The following NDUFAF6 variants were observed in gnomAD, a reference collection of about 807,000 sequenced individuals.
The protein encoded by NDUFAF6 is NADH:ubiquinone oxidoreductase complex assembly factor 6, also known as NADH dehydrogenase (ubiquinone) complex I, assembly factor 6.
Under a neutral mutation model 40.8 loss-of-function variants are expected in NDUFAF6, and 45 were observed. That is an observed-to-expected ratio of 1.10 (90% CI 0.87 to 1.42). The LOEUF (loss-of-function observed/expected upper bound fraction) is 1.42, where lower values mean the gene tolerates loss of function less well. NDUFAF6 is among the 40% of genes most tolerant of loss of function. The pLI, the probability that NDUFAF6 is intolerant of heterozygous loss-of-function variation, is 0.00. For synonymous variants in NDUFAF6, 185 were observed against 155.9 expected (o/e 1.19, Z -1.39); for missense variants, 435 against 418.5 (o/e 1.04, Z -0.34).
intron 2 of NDUFAF6, among the ~76,000 whole-genome samples, chr8:94,985,509 ATATATATTTTTTTTTTTTTTTTTTTTTT>A (rs1171880942): frequency 2.6e-3 from 14 of 5,340 alleles, no homozygotes; most frequent in Non-Finnish European, 3.5e-3. Context: ...ATATATATAT[ATATATATTTTTTTTTTTTTTTTTTTTTT>A]TTTTTTTTTT....
intron 2 of NDUFAF6, among the ~76,000 whole-genome samples, chr8:95,093,071 T>G (rs1004856272): frequency 2.2e-5 from 3 of 136,966 alleles, no homozygotes; most frequent in African/African-American, 8.1e-5. Flanking sequence ...ATAACCATAG[T>G]GCTCACCCTA....
At chr8:94,914,461 T>G (rs1018434713) in intron 1 of NDUFAF6, among the ~76,000 whole-genome samples, 5 of 152,204 alleles carry the variant, frequency 3.3e-5, no homozygotes, top group African/African-American at 1.2e-4. Context: ...TGTTGCTCTT[T>G]CCAGCCACCG....
chr8:95,088,655 A>C (rs977241214), intron 2 of NDUFAF6, among the ~76,000 whole-genome samples: 1 of 147,092 alleles, frequency 6.8e-6, no homozygotes, highest in African/African-American at 2.6e-5. Context: ...AGTCAATTTT[A>C]GGTTAATTTC....
chr8:95,034,009 A>G (rs1379659950), intron 2 of NDUFAF6: 1 of 457,764 alleles, frequency 2.2e-6, no homozygotes, highest in South Asian at 1.5e-5. Flanking sequence ...TTTTGAAAGG[A>G]TTACTCTTGC....
At chr8:95,006,194 C>T (rs1826970193) in intron 2 of NDUFAF6, among the ~76,000 whole-genome samples, 1 of 151,682 alleles carries the variant, frequency 6.6e-6, no homozygotes, top group Non-Finnish European at 1.5e-5. Context: ...CCTGTCTCTA[C>T]TAAAAACATA....
In NDUFAF6 at chr8:95,019,722, G is replaced by A. The variant is rs925616829; in HGVS notation, c.-83-12273G>A. ...TTGTTTCTGAGAGAACAGTGTGTAGGTGTCCTTTTAGCAAATGAAAAATAT... is the reference window on the plus strand; with the variant it reads ...TTGTTTCTGAGAGAACAGTGTGTAGATGTCCTTTTAGCAAATGAAAAATAT... On this transcript the variant is annotated intron_variant, in intron 2 of 9. Coordinates refer to the NDUFAF6 transcript ENST00000396111. Among the ~76,000 whole-genome samples, 12 of 152,286 alleles carry A rather than the reference G, an allele frequency of 7.9e-5. No homozygotes were observed. In the East Asian group the frequency reaches 2.3e-3, roughly 29 times the overall value.
chr8:95,102,452 T>C (rs892922107), intron 2 of NDUFAF6, among the ~76,000 whole-genome samples: 2 of 152,246 alleles, frequency 1.3e-5, no homozygotes, highest in African/African-American at 4.8e-5. Flanking sequence ...AATCTGCTAC[T>C]GCTGGCCCCC....
At chr8:94,994,481 G>A (rs370439262) in intron 2 of NDUFAF6, among the ~76,000 whole-genome samples, 2 of 151,588 alleles carry the variant, frequency 1.3e-5, no homozygotes, top group East Asian at 3.9e-4. Flanking sequence ...AACCTGGGAG[G>A]CAGAAGTTGC....
At chr8:94,896,105 T>C (rs1817532476) in intron 1 of NDUFAF6, among the ~76,000 whole-genome samples, 1 of 152,014 alleles carries the variant, frequency 6.6e-6, no homozygotes, top group African/African-American at 2.4e-5. Flanking sequence ...TCCTCTCTTC[T>C]CCACCTCCAA....
chr8:95,025,053 T>G lies in NDUFAF6; in HGVS notation c.45T>G (p.Leu15=). The change falls in exon 1 of 9, where the codon CTT becomes CTG. Residue 15 remains leucine (L), a synonymous_variant. Coordinates refer to ENST00000396124, the MANE Select transcript of NDUFAF6 (RefSeq NM_152416.4). Reference sequence around the variant, plus strand: ...GCTCTGTCTGGGGGCCGTTGCGGCTTGGCATCCCCGGCCTGTGCTGCCGCC... The same window carrying G: ...GCTCTGTCTGGGGGCCGTTGCGGCTGGGCATCCCCGGCCTGTGCTGCCGCC... ...AHGSVWGPLR[L]GIPGLCCRRP... 1 of 1,420,130 alleles carries G rather than the reference T, an allele frequency of 7.0e-7. No individual in the cohort carries two copies. Among genetic ancestry groups the G allele is most frequent in the Non-Finnish European group, 9.1e-7 (1 of 1,099,460 alleles). 88.0% of individuals were successfully genotyped at this position (1,420,130 alleles called of 1,614,324 possible). A position where few individuals can be genotyped will look rare whatever the true frequency, so the allele number is the denominator to read the frequency against.
At chr8:95,082,041 G>A (rs551062902) in intron 2 of NDUFAF6, among the ~76,000 whole-genome samples, 1 of 152,286 alleles carries the variant, frequency 6.6e-6, no homozygotes, top group South Asian at 2.1e-4. Context: ...TCCAGCCTGG[G>A]TGACAGAGTG....
intron 2 of NDUFAF6, among the ~76,000 whole-genome samples, chr8:94,985,504 TATATATATATA>T (rs1336675596): frequency 0.018 from 139 of 7,930 alleles, 3 homozygotes; most frequent in African/African-American, 0.03. Flanking sequence ...TATATATATA[TATATATATATA>T]TTTTTTTTTT....
intron 1 of NDUFAF6, among the ~76,000 whole-genome samples, chr8:94,973,988 C>T (rs1327789741): frequency 1.3e-5 from 2 of 152,022 alleles, no homozygotes; most frequent in Non-Finnish European, 2.9e-5. Context: ...TTATAGCAGC[C>T]TGAACCAACT....
chr8:94,936,075 C>T (rs1820946059), intron 1 of NDUFAF6, among the ~76,000 whole-genome samples: 2 of 152,316 alleles, frequency 1.3e-5, no homozygotes, highest in Admixed American at 6.5e-5. Context: ...ACTGTGAACA[C>T]CTCTCAGTAA....
chr8:95,056,675 G>A (rs1832194253), intron 8 of NDUFAF6, among the ~76,000 whole-genome samples: 1 of 152,056 alleles, frequency 6.6e-6, no homozygotes, highest in Non-Finnish European at 1.5e-5. Context: ...GGGAGGCCGA[G>A]GAGGATGGAT....
At chr8:95,047,801 G>T (rs1031505891) in intron 6 of NDUFAF6, among the ~76,000 whole-genome samples, 9 of 151,874 alleles carry the variant, frequency 5.9e-5, no homozygotes, top group African/African-American at 2.2e-4. Context: ...GAGCCACTGC[G>T]CCCGGCGAGA....
chr8:94,951,329 G>A (rs893233023), intron 2 of NDUFAF6: 22 of 152,270 alleles, frequency 1.4e-4, no homozygotes, highest in African/African-American at 5.3e-4. Context: ...GGAGAGATAA[G>A]CCATCCCCAC....
intron 2 of NDUFAF6, among the ~76,000 whole-genome samples, chr8:94,981,909 C>T (rs1404782963): frequency 6.8e-6 from 1 of 146,642 alleles, no homozygotes; most frequent in African/African-American, 2.5e-5. Flanking sequence ...ATCTAAATGA[C>T]AGAGTGAGAC....
chr8:94,975,151 C>T (rs773096895), intron 1 of NDUFAF6, among the ~76,000 whole-genome samples: 1 of 152,202 alleles, frequency 6.6e-6, no homozygotes. Context: ...AGTCTTCCTC[C>T]ACCCCCTGTA....
Sources: gnomAD v4.1 joint callset for allele counts (sites outside exome capture counted in the v4.1 genomes callset) on GRCh38, gnomAD v4.1.1 for gene constraint, MANE v1.5 for transcripts, NCBI Gene and HGNC (gene_info 2026-07-23, HGNC 2026-07-21) for gene names.